The following SCFD2 variants were observed in gnomAD, a reference collection of about 807,000 sequenced individuals.
SCFD2 encodes sec1 family domain-containing protein 2.
SCFD2 carries 54 observed loss-of-function variants against 58.9 expected under a neutral mutation model. The observed-to-expected ratio is 0.92, with a 90% CI of 0.74 to 1.15. The LOEUF (loss-of-function observed/expected upper bound fraction) is 1.15, where lower values mean the gene tolerates loss of function less well. SCFD2 is among the 50% of genes most tolerant of loss of function. The pLI is 0.00. For missense variants in SCFD2, 805 were observed against 836.6 expected (o/e 0.96, Z 0.47); for synonymous variants, 321 against 335.9 (o/e 0.96, Z 0.49).
intron 4 of SCFD2, among the ~76,000 whole-genome samples, chr4:53,231,086 T>C (rs1657052446): frequency 6.6e-6 from 1 of 152,070 alleles, no homozygotes; most frequent in African/African-American, 2.4e-5. Flanking sequence ...TTATTATAGG[T>C]ATATGCATAA....
In SCFD2 at chr4:53,141,527, G is replaced by A. The variant is rs192184468; in HGVS notation, c.1561+3806C>T. ...AGAAATTTTGTCTTTCACAAGTGCAGATGTATGAAAAGGACACCTCTTCAT... is the reference window on the plus strand; with the variant it reads ...AGAAATTTTGTCTTTCACAAGTGCAAATGTATGAAAAGGACACCTCTTCAT... On this transcript the variant is annotated intron_variant, in intron 5 of 8. Coordinates refer to ENST00000401642, the MANE Select transcript of SCFD2 (RefSeq NM_152540.4). 4.6e-5 allele frequency among the ~76,000 whole-genome samples: 7 copies of A among 152,112 alleles called. No individual in the cohort carries two copies. The East Asian group carries it at 1.2e-3, about 25-fold the overall frequency.
At chr4:53,345,437 T>A (rs1198516563) in intron 2 of SCFD2, among the ~76,000 whole-genome samples, 1 of 152,120 alleles carries the variant, frequency 6.6e-6, no homozygotes, top group Non-Finnish European at 1.5e-5. Context: ...CATTAAAAAA[T>A]CATCAAACAA....
At chr4:53,119,317 C>CAA (rs59614870) in intron 5 of SCFD2, among the ~76,000 whole-genome samples, 16 of 135,474 alleles carry the variant, frequency 1.2e-4, no homozygotes, top group Non-Finnish European at 1.4e-4. Flanking sequence ...GACTCCATCT[C>CAA]AAAAAAAAAA....
intron 2 of SCFD2, among the ~76,000 whole-genome samples, chr4:53,340,178 C>G (rs977597436): frequency 3.3e-5 from 5 of 152,156 alleles, no homozygotes; most frequent in African/African-American, 1.2e-4. Context: ...ATCACCTTAC[C>G]TGGGAACCGC....
At chr4:53,295,323 A>G (rs1394401102) in intron 3 of SCFD2, among the ~76,000 whole-genome samples, 3 of 151,890 alleles carry the variant, frequency 2.0e-5, no homozygotes, top group Non-Finnish European at 4.4e-5. Context: ...TCCTTGAGTC[A>G]TGGTTTTTGT....
chr4:53,120,753 A>G (rs1453712200), intron 5 of SCFD2, among the ~76,000 whole-genome samples: 2 of 152,250 alleles, frequency 1.3e-5, no homozygotes, highest in Admixed American at 6.5e-5. Context: ...TAAGGTCACC[A>G]AAGTTTAATG....
chr4:53,033,671 T>G (rs946631025), intron 5 of SCFD2, among the ~76,000 whole-genome samples: 3 of 152,048 alleles, frequency 2.0e-5, no homozygotes, highest in African/African-American at 7.2e-5. Context: ...CAAACTACCA[T>G]CAGAAAATAC....
intron 4 of SCFD2, among the ~76,000 whole-genome samples, chr4:53,213,327 G>A (rs1560388456): frequency 6.6e-6 from 1 of 152,172 alleles, no homozygotes; most frequent in Admixed American, 6.5e-5. Flanking sequence ...GAGATGCATA[G>A]TGCCAAAACA....
At chr4:53,354,717 G>A (rs1734351228) in intron 1 of SCFD2, among the ~76,000 whole-genome samples, 1 of 152,110 alleles carries the variant, frequency 6.6e-6, no homozygotes, top group Non-Finnish European at 1.5e-5. Context: ...AGTCAGTCAG[G>A]TAAATAGTGT....
rs548120893 is a variant in SCFD2, at chr4:53,350,803, A to G, written c.1007+1795T>C. On this transcript the variant is annotated intron_variant, in intron 2 of 8. Transcript: ENST00000401642. ...TGGCTCACTGCAACCTCCTCCTCCC[A>G]GGTTCAAGATACTCTCGTGCCTCAG... Among the ~76,000 whole-genome samples the G allele has an allele frequency of 3.2e-4, 49 of 152,268 alleles. 2 individuals are homozygous for G. The South Asian group carries it at 1.0e-2, about 31-fold the overall frequency.
intron 3 of SCFD2, among the ~76,000 whole-genome samples, chr4:53,284,712 T>C (rs1448994844): frequency 6.6e-6 from 1 of 152,168 alleles, no homozygotes. Context: ...CATATTTAAG[T>C]CAGCCATAAG....
chr4:53,065,385 T>C (rs1723634419), intron 5 of SCFD2, among the ~76,000 whole-genome samples: 1 of 152,054 alleles, frequency 6.6e-6, no homozygotes, highest in South Asian at 2.1e-4. Context: ...AATGAATACT[T>C]CTACTGTAAG....
At chr4:53,187,850 T>G (rs1181382355) in intron 4 of SCFD2, among the ~76,000 whole-genome samples, 1 of 152,160 alleles carries the variant, frequency 6.6e-6, no homozygotes, top group Non-Finnish European at 1.5e-5. Context: ...AAATTCTTTA[T>G]GATAAACATA....
Position 53,365,765 on chromosome 4 carries a change from G to A in SCFD2, c.177C>T (p.Phe59=). The change falls in exon 1 of 9, where the codon TTC becomes TTT. Residue 59 remains phenylalanine, a synonymous_variant. Transcript: ENST00000401642. This position sits in a 1 kb window ranked among gnomAD's most constrained non-coding sequence, Gnocchi z 4.3. ...VGGPDCHLRE[F]EPDAIGGGAK... is the part of the protein sequence containing the mutation. ...CTCCACCACCAATTGCGTCGGGCTC[G>A]AACTCTCGCAGGTGACAGTCAGGAC... 1.2e-6 allele frequency: 2 copies of A among 1,613,832 alleles called. No individual in the cohort carries two copies. The highest frequency in any genetic ancestry group is 2.2e-5 in the South Asian group (2 of 91,038).
At position 53,051,769 on chromosome 4, in the gene SCFD2, T is replaced by A. The variant is rs1166722395; in HGVS notation, c.1561+93564A>T. Among the ~76,000 whole-genome samples the A allele has an allele frequency of 2.0e-5, 3 of 152,180 alleles. No individual in the cohort carries two copies. The East Asian group carries it at 5.8e-4, about 29-fold the overall frequency. ...GTTTACCACCAATAAAAGAAGGCTC[T>A]GATTAAAGAAGAAAGTAAGGATTTT... On this transcript the variant is annotated intron_variant, in intron 5 of 8. Coordinates refer to ENST00000401642, the MANE Select transcript of SCFD2 (RefSeq NM_152540.4).
chr4:53,040,144 T>C lies in SCFD2; in HGVS notation c.1561+105189A>G, dbSNP rs114963718. 2.6e-3 allele frequency among the ~76,000 whole-genome samples: 402 copies of C among 152,274 alleles called. 2 individuals carry two copies. The highest frequency in any genetic ancestry group is 4.3e-3 in the Non-Finnish European group (295 of 68,008). ...ATGTTCTGAAATCCTACTTATAAAC[T>C]TCTTTTTGAGTTGAATTCTCCCTCA... On this transcript the variant is annotated intron_variant, in intron 5 of 8. Transcript: ENST00000401642.
At chr4:52,947,968 C>CAAAAAAAAAAAAAAAAAAAAAAAAGACA (rs34494471) in intron 5 of SCFD2, among the ~76,000 whole-genome samples, 1 of 35,212 alleles carries the variant, frequency 2.8e-5, no homozygotes, top group Non-Finnish European at 5.8e-5. Context: ...AAAAATAGGC[C>CAAAAAAAAAAAAAAAAAAAAAAAAGACA]AAAAAAAAAA....
chr4:53,247,041 G>T (rs1216949424), intron 4 of SCFD2, among the ~76,000 whole-genome samples: 2 of 148,258 alleles, frequency 1.3e-5, no homozygotes, highest in Non-Finnish European at 3.0e-5. Context: ...AAAATTAAGT[G>T]GGCAAAGGTT....
intron 3 of SCFD2, among the ~76,000 whole-genome samples, chr4:53,289,622 C>T (rs1454231143): frequency 7.9e-5 from 12 of 152,042 alleles, no homozygotes; most frequent in African/African-American, 2.2e-4. Flanking sequence ...TAAACACTTG[C>T]CTATCAATAA....
Sources: gnomAD v4.1 joint callset for allele counts (sites outside exome capture counted in the v4.1 genomes callset) on GRCh38, gnomAD v4.1.1 for gene constraint, Gnocchi (gnomAD v3.1) non-coding constraint, MANE v1.5 for transcripts, NCBI Gene and HGNC (gene_info 2026-07-23, HGNC 2026-07-21) for gene names.